The following NOL4 variants were observed in gnomAD, a reference collection of about 807,000 sequenced individuals.
The protein encoded by NOL4 is cancer/testis antigen 125.
Under a neutral mutation model 75.9 loss-of-function variants are expected in NOL4, and 17 were observed. The ratio of observed to expected loss-of-function variants is 0.22; its 90% CI spans 0.15 to 0.34. The LOEUF (loss-of-function observed/expected upper bound fraction) is 0.34. Among genes scored for constraint, NOL4 ranks in the 10% least tolerant of loss-of-function variants. NOL4 has a pLI of 1.00. For synonymous variants in NOL4, 292 were observed against 289.9 expected, an observed-to-expected ratio of 1.01 and a Z score of -0.07; for missense variants, 614 against 793.5, an observed-to-expected ratio of 0.77 and a Z score of 2.72.
intron 9 of NOL4, among the ~76,000 whole-genome samples, chr18:33,902,608 A>G (rs561761768): frequency 9.2e-5 from 14 of 152,128 alleles, no homozygotes; most frequent in African/African-American, 3.4e-4. Context: ...TCCATGACAT[A>G]CTAATAACCT....
At chr18:34,062,231 A>T (rs559586347) in intron 5 of NOL4, among the ~76,000 whole-genome samples, 30 of 152,230 alleles carry the variant, frequency 2.0e-4, no homozygotes, top group African/African-American at 7.2e-4. Flanking sequence ...TTTTTAAAAG[A>T]TGCCAAATAT....
chr18:34,019,682 C>T, intron 5 of NOL4, 81 bp from the exon 6 acceptor site: 1 of 1,253,894 alleles, frequency 8.0e-7, no homozygotes. Flanking sequence ...TATTGAGCTC[C>T]CATTATATGA....
chr18:33,998,144 G>T (rs974519714), intron 6 of NOL4, among the ~76,000 whole-genome samples: 1 of 152,006 alleles, frequency 6.6e-6, no homozygotes, highest in African/African-American at 2.4e-5. Flanking sequence ...GAGAGTCATA[G>T]TTAAGGGGTA....
intron 6 of NOL4, among the ~76,000 whole-genome samples, chr18:33,970,173 G>A (rs909031130): frequency 6.6e-6 from 1 of 152,114 alleles, no homozygotes; most frequent in African/African-American, 2.4e-5. Flanking sequence ...AATAAGTATA[G>A]CCATTATGAG....
intron 1 of NOL4, among the ~76,000 whole-genome samples, chr18:34,151,553 AG>A: frequency 1.3e-5 from 2 of 151,838 alleles, no homozygotes; most frequent in Non-Finnish European, 1.5e-5. Context: ...GCTTATGGGA[AG>A]GGGGGGATTA....
intron 9 of NOL4, among the ~76,000 whole-genome samples, chr18:33,900,785 A>G (rs1185722384): frequency 6.6e-6 from 1 of 152,184 alleles, no homozygotes; most frequent in Non-Finnish European, 1.5e-5. Context: ...CAGCGAAAGT[A>G]CCAAATGTTA....
chr18:34,155,085 A>G (rs916481992), intron 1 of NOL4, among the ~76,000 whole-genome samples: 2 of 151,888 alleles, frequency 1.3e-5, no homozygotes, highest in Non-Finnish European at 1.5e-5. Flanking sequence ...GAATTTTTGA[A>G]TGAAAGGATG....
intron 5 of NOL4, among the ~76,000 whole-genome samples, chr18:34,052,973 G>A (rs1040603834): frequency 6.6e-6 from 1 of 152,008 alleles, no homozygotes; most frequent in Non-Finnish European, 1.5e-5. Context: ...GGACTTGAGA[G>A]CCCAAGATCC....
At chr18:33,991,535 T>G (rs555483270) in intron 6 of NOL4, among the ~76,000 whole-genome samples, 168 of 152,142 alleles carry the variant, frequency 1.1e-3, no homozygotes, top group African/African-American at 3.9e-3. Flanking sequence ...ACACTGCATT[T>G]TTTTTACAAT....
chr18:34,158,331 G>T (rs1054078905), intron 1 of NOL4, among the ~76,000 whole-genome samples: 1 of 152,114 alleles, frequency 6.6e-6, no homozygotes, highest in Admixed American at 6.5e-5. Flanking sequence ...GTGCATTTAC[G>T]TCGGTAGTCA....
intron 6 of NOL4, among the ~76,000 whole-genome samples, chr18:33,959,449 G>A (rs2069922625): frequency 6.6e-6 from 1 of 152,040 alleles, no homozygotes. Context: ...AGTATATGGT[G>A]TGATAAGGAG....
intron 6 of NOL4, among the ~76,000 whole-genome samples, chr18:33,982,494 A>C (rs868791809): frequency 2.0e-5 from 3 of 152,288 alleles, no homozygotes; most frequent in African/African-American, 7.2e-5. Flanking sequence ...AAATGGGTCA[A>C]TTCTCCAAGA....
chr18:33,939,921 C>T (rs996381980), intron 9 of NOL4, among the ~76,000 whole-genome samples: 2 of 152,030 alleles, frequency 1.3e-5, no homozygotes, highest in African/African-American at 4.8e-5. Context: ...CAGAAGAAGA[C>T]ATTCATGCAG....
intron 9 of NOL4, among the ~76,000 whole-genome samples, chr18:33,919,698 T>A (rs1299194022): frequency 6.6e-6 from 1 of 152,204 alleles, no homozygotes; most frequent in East Asian, 1.9e-4. Context: ...TTCATCATCA[T>A]TAAGAAGTGC....
intron 10 of NOL4, among the ~76,000 whole-genome samples, chr18:33,878,215 G>A (rs2064045839): frequency 6.6e-6 from 1 of 152,106 alleles, no homozygotes; most frequent in Non-Finnish European, 1.5e-5. Context: ...TTTTGGATTT[G>A]TTATCAATTT....
At chr18:34,111,736 T>C (rs1013455953) in intron 2 of NOL4, among the ~76,000 whole-genome samples, 2 of 151,844 alleles carry the variant, frequency 1.3e-5, no homozygotes, top group Non-Finnish European at 2.9e-5. Flanking sequence ...TATGAAAAAA[T>C]GTCGAACATC....
At chr18:33,940,999 A>G (rs2068443787) in intron 9 of NOL4, among the ~76,000 whole-genome samples, 1 of 152,056 alleles carries the variant, frequency 6.6e-6, no homozygotes, top group African/African-American at 2.4e-5. Context: ...TTCAAAAACA[A>G]TGATAAATCT....
At chr18:34,023,992 T>C (rs1377921473) in intron 5 of NOL4, among the ~76,000 whole-genome samples, 1 of 151,652 alleles carries the variant, frequency 6.6e-6, no homozygotes, top group African/African-American at 2.4e-5. Context: ...TATTCAACAA[T>C]TAGCTCTCTC....
chr18:34,191,804 G>A (rs772306338), intron 1 of NOL4, among the ~76,000 whole-genome samples: 3 of 152,034 alleles, frequency 2.0e-5, no homozygotes, highest in African/African-American at 4.8e-5. Flanking sequence ...AGCCGACTAC[G>A]CCAGCAGAGA....
Sources: gnomAD v4.1 joint callset for allele counts (sites outside exome capture counted in the v4.1 genomes callset) on GRCh38, gnomAD v4.1.1 for gene constraint, MANE v1.5 for transcripts, NCBI Gene and HGNC (gene_info 2026-07-23, HGNC 2026-07-21) for gene names.